The following NPSR1 variants were observed in gnomAD, a reference collection of about 807,000 sequenced individuals.
NPSR1 encodes the protein neuropeptide S receptor 1.
In NPSR1, 48 loss-of-function variants were observed where a neutral mutation model predicts 46.9. The observed-to-expected ratio is 1.02, with a 90% CI of 0.81 to 1.30. NPSR1 has a LOEUF of 1.30. Ranked by LOEUF, NPSR1 falls within the 50% of genes most tolerant of loss-of-function variation. NPSR1 has a pLI of 0.00. For missense variants in NPSR1, 450 were observed against 449.5 expected (o/e 1.00, Z -0.01); for synonymous variants, 176 against 168.1 (o/e 1.05, Z -0.36).
chr7:34,810,607 C>T (rs575485664), intron 3 of NPSR1, among the ~76,000 whole-genome samples: 11 of 152,198 alleles, frequency 7.2e-5, no homozygotes, highest in Non-Finnish European at 1.3e-4. Flanking sequence ...CGGAACCCTT[C>T]TATCATCTCT....
intron 3 of NPSR1, among the ~76,000 whole-genome samples, chr7:34,791,004 ATATGT>A (rs1787791807): frequency 1.6e-5 from 2 of 123,520 alleles, no homozygotes; most frequent in Admixed American, 9.2e-5. Flanking sequence ...GTTATATGTT[ATATGT>A]TATATTATAT....
chr7:34,783,424 A>G (rs1313228563), intron 3 of NPSR1, among the ~76,000 whole-genome samples: 1 of 152,094 alleles, frequency 6.6e-6, no homozygotes, highest in Non-Finnish European at 1.5e-5. Flanking sequence ...CATGGGGGAA[A>G]CCACCTCCAT....
intron 2 of NPSR1, among the ~76,000 whole-genome samples, chr7:34,774,129 G>A (rs916703536): frequency 6.6e-6 from 1 of 152,182 alleles, no homozygotes; most frequent in African/African-American, 2.4e-5. Flanking sequence ...TCATTGGGAA[G>A]ACCTTCCTTC....
intron 4 of NPSR1, among the ~76,000 whole-genome samples, chr7:34,816,394 C>T (rs1789278541): frequency 5.9e-5 from 1 of 16,938 alleles, no homozygotes; most frequent in East Asian, 1.1e-3. Flanking sequence ...GCACCCAACA[C>T]AGGAGCACCC....
intron 2 of NPSR1, among the ~76,000 whole-genome samples, chr7:34,773,706 T>C (rs1786798671): frequency 6.6e-6 from 1 of 152,194 alleles, no homozygotes; most frequent in African/African-American, 2.4e-5. Context: ...ACCAGGATAA[T>C]TGGTAGTCCA....
At chr7:34,854,875 G>T (rs949622217), downstream of NPSR1, among the ~76,000 whole-genome samples, 3 of 151,622 alleles carry the variant, frequency 2.0e-5, no homozygotes, top group Admixed American at 2.0e-4. Context: ...TACCAAAGTT[G>T]ACCACATGCT....
chr7:34,735,117 T>C (rs1784607693), intron 2 of NPSR1, among the ~76,000 whole-genome samples: 1 of 152,168 alleles, frequency 6.6e-6, no homozygotes, highest in South Asian at 2.1e-4. Flanking sequence ...GATGAAGACC[T>C]GGTTGGGGGA....
chr7:34,808,700 T>C (rs184074172), intron 3 of NPSR1, among the ~76,000 whole-genome samples: 64 of 152,280 alleles, frequency 4.2e-4, no homozygotes, highest in Admixed American at 2.0e-3. Context: ...TTCCTTCTTA[T>C]ATATCTGAGA....
At chr7:34,685,892 C>T (rs866370720) in intron 2 of NPSR1, 1 of 232,836 alleles carries the variant, frequency 4.3e-6, no homozygotes, top group Non-Finnish European at 8.6e-6. Context: ...TCAATCTTTC[C>T]TACCAACAAG....
In NPSR1 at chr7:34,827,650, G is replaced by T. The variant is rs370386145; in HGVS notation, c.680+48G>T. 7.0e-5 allele frequency: 43 copies of T among 611,902 alleles called. 3 individuals are homozygous for T. The highest frequency in any genetic ancestry group is 2.1e-4 in the East Asian group (4 of 19,178). 37.9% of individuals were successfully genotyped at this position (611,902 alleles called of 1,614,324 possible). On this transcript the variant is annotated intron_variant, in intron 5 of 8. Coordinates refer to ENST00000360581, the MANE Select transcript of NPSR1 (RefSeq NM_207172.2). ...CCACACGGGGGGGTGGGGCGGGGGG[G>T]GCTTTCCTGTTTCTCCAGCTGTTGC...
intron 1 of NPSR1, among the ~76,000 whole-genome samples, chr7:34,665,555 G>A (rs17189135): frequency 0.021 from 3,190 of 152,192 alleles, 46 homozygotes; most frequent in Non-Finnish European, 0.031. Context: ...CCTGGACCAC[G>A]TTGTACTGAC....
At chr7:34,823,877 G>C (rs1463163283) in intron 4 of NPSR1, among the ~76,000 whole-genome samples, 1 of 152,114 alleles carries the variant, frequency 6.6e-6, no homozygotes, top group Non-Finnish European at 1.5e-5. Flanking sequence ...GCCTGCTCCA[G>C]GGCAGATCTG....
At chr7:34,845,700 T>A (rs1790716769) in intron 7 of NPSR1, 3 of 407,224 alleles carry the variant, frequency 7.4e-6, no homozygotes, top group Non-Finnish European at 1.4e-5. Flanking sequence ...CTGTCTCCCC[T>A]GTTGGAGTAA....
chr7:34,755,247 C>T (rs1315028713), intron 2 of NPSR1, among the ~76,000 whole-genome samples: 1 of 152,226 alleles, frequency 6.6e-6, no homozygotes, highest in South Asian at 2.1e-4. Context: ...TCCTCCTCAT[C>T]CTCACCAACA....
intron 2 of NPSR1, among the ~76,000 whole-genome samples, chr7:34,717,378 G>T (rs10155995): frequency 0.14 from 21,692 of 152,172 alleles, 2,078 homozygotes; most frequent in East Asian, 0.34. Context: ...GTGATCTGCC[G>T]CCTCAGCCTC....
chr7:34,876,131 G>A (rs931182399), intron 8 of NPSR1, among the ~76,000 whole-genome samples: 7 of 152,260 alleles, frequency 4.6e-5, no homozygotes, highest in African/African-American at 7.2e-5. Flanking sequence ...GACCACAAGC[G>A]GATCAGGGAA....
At chr7:34,681,035 A>G (rs917538420) in intron 1 of NPSR1, among the ~76,000 whole-genome samples, 10 of 150,264 alleles carry the variant, frequency 6.7e-5, no homozygotes, top group African/African-American at 2.5e-4. Flanking sequence ...TGCACTTTTT[A>G]TGTTGTATAT....
At position 34,771,503 on chromosome 7, in the gene NPSR1, G is replaced by C. The variant is rs34280252; in HGVS notation, c.281-6959G>C. Among the ~76,000 whole-genome samples the C allele has an allele frequency of 2.1e-3, 317 of 152,222 alleles. 2 individuals carry two copies. The highest frequency in any genetic ancestry group is 7.5e-3 in the African/African-American group (310 of 41,538). Reference sequence around the variant, plus strand: ...TCCCTAGTTTTCTAAAGGAGCAAAAGCAACTTCTGTGGGTGGAATAGCCCT... The same window carrying C: ...TCCCTAGTTTTCTAAAGGAGCAAAACCAACTTCTGTGGGTGGAATAGCCCT... On this transcript the variant is annotated intron_variant, in intron 2 of 8. Transcript: ENST00000360581.
chr7:34,823,399 G>GAAAAAAAAA (rs577186339), intron 4 of NPSR1, among the ~76,000 whole-genome samples: 346 of 67,540 alleles, frequency 5.1e-3, no homozygotes, highest in East Asian at 6.6e-3. Context: ...GACTTCACCA[G>GAAAAAAAAA]AAAAAAAAAA....
Sources: allele counts gnomAD v4.1 joint callset (sites outside exome capture counted in the v4.1 genomes callset), GRCh38; gene constraint gnomAD v4.1.1; transcripts MANE v1.5; gene names NCBI Gene and HGNC (gene_info 2026-07-23, HGNC 2026-07-21).